Variants in ERP44 observed in about 807,000 individuals in gnomAD.
ERP44 encodes endoplasmic reticulum resident protein 44.
ERP44 carries 25 observed loss-of-function variants against 53.4 expected under a neutral mutation model. That is an observed-to-expected ratio of 0.47 (90% CI 0.34 to 0.65). ERP44 has a LOEUF of 0.65. ERP44 is among the 30% of genes least tolerant of loss of function. The probability of loss-of-function intolerance (pLI) is 0.01; values close to 1 mark genes in which losing one functional copy is unlikely to be tolerated. For missense variants in ERP44, 338 were observed against 493.2 expected (o/e 0.69, Z 2.98); for synonymous variants, 145 against 161.2 (o/e 0.90, Z 0.76).
At chr9:100,021,856 C>A (rs1830592961) in intron 5 of ERP44, among the ~76,000 whole-genome samples, 186 bp downstream of exon 5, 1 of 152,086 alleles carries the variant, frequency 6.6e-6, no homozygotes, top group Non-Finnish European at 1.5e-5. Context: ...ATCTTTTATC[C>A]AGAAGTTCAG....
chr9:100,096,894 TTAAG>T (rs974657489), intron 1 of ERP44, among the ~76,000 whole-genome samples: 3 of 152,144 alleles, frequency 2.0e-5, no homozygotes, highest in Non-Finnish European at 2.9e-5. Context: ...GAATTACCAG[TTAAG>T]TAAGCAACTC....
At chr9:100,018,170 T>C in intron 7 of ERP44, 86 bp downstream of exon 7, 1 of 861,468 alleles carries the variant, frequency 1.2e-6, no homozygotes, top group South Asian at 1.3e-5. Context: ...TCTATTAGTC[T>C]ATGAACATTA....
chr9:100,016,204 T>C (rs759267355), intron 8 of ERP44, 118 bp downstream of exon 8: 1 of 1,397,120 alleles, frequency 7.2e-7, no homozygotes. Flanking sequence ...GATATAGTTA[T>C]GTTCACTATA....
intron 1 of ERP44, among the ~76,000 whole-genome samples, chr9:100,097,164 A>G (rs1826642919): frequency 6.6e-6 from 1 of 152,156 alleles, no homozygotes; most frequent in African/African-American, 2.4e-5. Context: ...TCTAGATTCT[A>G]TTTGGGAAAA....
At chr9:100,060,618 A>G (rs1826136505) in intron 1 of ERP44, among the ~76,000 whole-genome samples, 1 of 152,206 alleles carries the variant, frequency 6.6e-6, no homozygotes, top group African/African-American at 2.4e-5. Context: ...AGACTTTTGC[A>G]AGTTGTAAAC....
At chr9:100,040,947 G>T (rs536112279) in intron 4 of ERP44, among the ~76,000 whole-genome samples, 174 of 151,966 alleles carry the variant, frequency 1.1e-3, no homozygotes, top group African/African-American at 4.0e-3. Flanking sequence ...ATTAACCAAA[G>T]AAATGAAAGA....
rs1230956556 is a variant in ERP44, at chr9:100,022,233, G to A, written c.287-7C>T. On this transcript the variant is annotated splice_polypyrimidine_tract_variant and splice_region_variant and intron_variant, in intron 4 of 11. Coordinates refer to ENST00000262455, the MANE Select transcript of ERP44 (RefSeq NM_015051.3). Reference sequence around the variant, plus strand: ...TATCTCTGGGCTATGTCAGCTAAAAGAATGAAAAAAAATTATTTACCCTCA... The same window carrying A: ...TATCTCTGGGCTATGTCAGCTAAAAAAATGAAAAAAAATTATTTACCCTCA... 6.9e-6 allele frequency: 11 copies of A among 1,596,454 alleles called. No homozygotes were observed. Among genetic ancestry groups the A allele is most frequent in the Admixed American group, 3.6e-5 (2 of 55,962 alleles).
At chr9:100,076,436 T>G (rs1444036783) in intron 1 of ERP44, among the ~76,000 whole-genome samples, 1 of 152,170 alleles carries the variant, frequency 6.6e-6, no homozygotes, top group Non-Finnish European at 1.5e-5. Flanking sequence ...AGGGCCTGGT[T>G]CACAGATGGT....
intron 1 of ERP44, among the ~76,000 whole-genome samples, chr9:100,078,488 C>T (rs1225543712): frequency 7.1e-6 from 1 of 141,108 alleles, no homozygotes; most frequent in Non-Finnish European, 1.5e-5. Flanking sequence ...GGTGCAGCGG[C>T]TCATGCCTGT....
At chr9:100,009,082 T>C (rs967462617) in intron 8 of ERP44, among the ~76,000 whole-genome samples, 2 of 152,126 alleles carry the variant, frequency 1.3e-5, no homozygotes. Context: ...TTTAATTATA[T>C]TCACAAGGTT....
At chr9:100,051,381 G>A (rs1356555311) in intron 4 of ERP44, among the ~76,000 whole-genome samples, 3 of 152,162 alleles carry the variant, frequency 2.0e-5, no homozygotes, top group Admixed American at 1.3e-4. Context: ...AAAGTTAGGT[G>A]TGTGTACACA....
intron 4 of ERP44, among the ~76,000 whole-genome samples, chr9:100,039,363 T>C (rs1251294753): frequency 6.6e-6 from 1 of 152,100 alleles, no homozygotes; most frequent in African/African-American, 2.4e-5. Context: ...GGAATAAAAC[T>C]AGAAATGGAT....
At chr9:100,080,520 A>AG (rs1049771133) in intron 1 of ERP44, among the ~76,000 whole-genome samples, 6 of 152,138 alleles carry the variant, frequency 3.9e-5, no homozygotes, top group Admixed American at 2.0e-4. Flanking sequence ...CTGTCCTGCA[A>AG]GGGCCTACAA....
At position 100,063,075 on chromosome 9, in the gene ERP44, C is replaced by CAA. The variant is rs58004954; in HGVS notation, c.58-2905_58-2904dup. Among the ~76,000 whole-genome samples the CAA allele has an allele frequency of 5.9e-3, 234 of 39,962 alleles. 31 individuals carry two copies. Among genetic ancestry groups the CAA allele is most frequent in the South Asian group, 7.6e-3 (5 of 662 alleles). The allele number at this position is 39,962 out of a possible 152,430, so 26.2% of individuals were successfully genotyped here. On this transcript the variant is annotated intron_variant, in intron 1 of 11. Coordinates refer to ENST00000262455, the MANE Select transcript of ERP44 (RefSeq NM_015051.3). ...GATGACAGAACAGGACCCTGTCTCA[C>CAA]AAAAAAAAAAAAAAAAAAGAGAGAG...
At chr9:100,098,528 G>C (rs767179477) in intron 1 of ERP44, among the ~76,000 whole-genome samples, 3 of 152,202 alleles carry the variant, frequency 2.0e-5, no homozygotes, top group Non-Finnish European at 4.4e-5. Flanking sequence ...GGGAGAAGGG[G>C]AAGCTCCTAC....
intron 1 of ERP44, among the ~76,000 whole-genome samples, chr9:100,076,048 G>T (rs1488065011): frequency 6.6e-6 from 1 of 152,164 alleles, no homozygotes; most frequent in South Asian, 2.1e-4. Context: ...TTGGAGCAAG[G>T]CCCTGCCATC....
intron 4 of ERP44, among the ~76,000 whole-genome samples, chr9:100,042,772 G>T (rs989776998): frequency 5.3e-5 from 8 of 152,172 alleles, no homozygotes; most frequent in African/African-American, 1.9e-4. Flanking sequence ...AACATGGATG[G>T]AACTGGAGGT....
intron 10 of ERP44, among the ~76,000 whole-genome samples, chr9:99,987,955 A>G (rs922144107): frequency 3.9e-4 from 60 of 152,216 alleles, no homozygotes; most frequent in Non-Finnish European, 8.8e-5. Context: ...TGCTACAAAC[A>G]TTTGTGCACA....
chr9:100,079,990 T>C (rs1826406592), intron 1 of ERP44, among the ~76,000 whole-genome samples: 1 of 151,800 alleles, frequency 6.6e-6, no homozygotes. Context: ...TATTCAGTTA[T>C]ATATAAAGTA....
Sources: gnomAD v4.1 joint callset for allele counts (sites outside exome capture counted in the v4.1 genomes callset) on GRCh38, gnomAD v4.1.1 for gene constraint, MANE v1.5 for transcripts, NCBI Gene and HGNC (gene_info 2026-07-23, HGNC 2026-07-21) for gene names.